The following NCOA3 variants were observed in gnomAD, a reference collection of about 807,000 sequenced individuals.
The protein encoded by NCOA3 is nuclear receptor coactivator 3, also known as CBP-interacting protein.
NCOA3 carries 51 observed loss-of-function variants against 158.8 expected under a neutral mutation model. That is an observed-to-expected ratio of 0.32 (90% CI 0.26 to 0.41). The LOEUF (loss-of-function observed/expected upper bound fraction) is 0.41, where lower values mean the gene tolerates loss of function less well. Ranked by LOEUF, NCOA3 falls within the 10% of genes least tolerant of loss-of-function variation. The pLI is 1.00. For synonymous variants in NCOA3, 537 were observed against 592.4 expected (o/e 0.91, Z 1.36); for missense variants, 1,510 against 1,746.6 (o/e 0.86, Z 2.41).
intron 1 of NCOA3, among the ~76,000 whole-genome samples, chr20:47,540,693 G>C (rs1441983301): frequency 2.0e-5 from 3 of 149,988 alleles, no homozygotes; most frequent in Non-Finnish European, 2.9e-5. Flanking sequence ...TTTATAGTCT[G>C]TTTGGGGAGA....
intron 17 of NCOA3, among the ~76,000 whole-genome samples, chr20:47,646,290 A>G (rs763476295): frequency 6.6e-6 from 1 of 152,208 alleles, no homozygotes; most frequent in Admixed American, 6.5e-5. Flanking sequence ...TCAGTCAGGT[A>G]CAGCTACCGT....
intron 1 of NCOA3, among the ~76,000 whole-genome samples, chr20:47,561,163 C>G (rs1323698444): frequency 1.3e-5 from 2 of 151,298 alleles, no homozygotes; most frequent in Non-Finnish European, 2.9e-5. Flanking sequence ...TTTGTAGAGA[C>G]AGGGTTTCGC....
chr20:47,644,733 T>C (rs911729710), intron 17 of NCOA3, among the ~76,000 whole-genome samples: 1 of 151,918 alleles, frequency 6.6e-6, no homozygotes, highest in Admixed American at 6.6e-5. Flanking sequence ...AGTCTCTCCC[T>C]ATCGCCCAGG....
intron 1 of NCOA3, among the ~76,000 whole-genome samples, chr20:47,512,433 TG>T (rs2084160375): frequency 6.6e-6 from 1 of 151,772 alleles, no homozygotes; most frequent in African/African-American, 2.4e-5. Context: ...CCGGGCATGG[TG>T]GCACATGCCT....
At chr20:47,558,383 A>T (rs1414752425) in intron 1 of NCOA3, among the ~76,000 whole-genome samples, 2 of 151,492 alleles carry the variant, frequency 1.3e-5, no homozygotes, top group African/African-American at 4.8e-5. Flanking sequence ...CGCCGGCCTA[A>T]ATTTCCTCTT....
chr20:47,532,110 TTGTGTGTGTG>T (rs11474538), intron 1 of NCOA3, among the ~76,000 whole-genome samples: 8 of 147,402 alleles, frequency 5.4e-5, no homozygotes, highest in African/African-American at 1.8e-4. Context: ...AGGGGGGGAC[TTGTGTGTGTG>T]TGTGTGTGTG....
intron 13 of NCOA3, 95 bp downstream of exon 13, chr20:47,637,878 C>CT: frequency 7.3e-6 from 8 of 1,102,992 alleles, no homozygotes; most frequent in South Asian, 4.4e-5. Flanking sequence ...ATATAAATAG[C>CT]ATTTATAACT....
At chr20:47,610,339 C>G (rs2086023370) in intron 2 of NCOA3, among the ~76,000 whole-genome samples, 1 of 152,102 alleles carries the variant, frequency 6.6e-6, no homozygotes, top group African/African-American at 2.4e-5. Context: ...CTTACCTGAG[C>G]TTCCTAAATA....
intron 1 of NCOA3, among the ~76,000 whole-genome samples, chr20:47,572,137 A>G (rs1421544385): frequency 6.6e-6 from 1 of 152,168 alleles, no homozygotes; most frequent in Non-Finnish European, 1.5e-5. Context: ...AGAATTGAAG[A>G]GAGTTATGGT....
intron 7 of NCOA3, 80 bp downstream of exon 7, chr20:47,627,829 C>T (rs2086347509): frequency 6.4e-7 from 1 of 1,573,760 alleles, no homozygotes; most frequent in South Asian, 1.1e-5. Context: ...TGTTGTAACC[C>T]TTCTTACTGA....
At chr20:47,635,275 A>T in intron 10 of NCOA3, 47 bp from the exon 11 acceptor site, 1 of 1,504,474 alleles carries the variant, frequency 6.6e-7, no homozygotes, top group Non-Finnish European at 8.9e-7. Flanking sequence ...AAAAGCTTTC[A>T]TGCATGCTTA....
rs2086865094 is a variant in NCOA3 at position 47,655,935 on chromosome 20, G to A, written c.*2518G>A. The stretch of plus-strand genomic sequence containing the variant: ...TGCAAACTCAAGATTTCTTTTAATA[G>A]GTGCAGTCTTTGAGATAATTTGTTT... On this transcript the variant is annotated 3_prime_UTR_variant, in exon 23 of 23. Transcript: ENST00000371998. The A allele has an allele frequency of 6.6e-6, 1 of 151,982 alleles. No individual in the cohort carries two copies. Among genetic ancestry groups the A allele is most frequent in the Non-Finnish European group, 1.5e-5 (1 of 67,906 alleles). 9.4% of individuals were successfully genotyped at this position (151,982 alleles called of 1,614,324 possible).
chr20:47,610,080 CT>C (rs1446102905), intron 2 of NCOA3, among the ~76,000 whole-genome samples: 4 of 151,966 alleles, frequency 2.6e-5, no homozygotes, highest in Non-Finnish European at 4.4e-5. Flanking sequence ...ATGTTGAAAG[CT>C]TTTTTTATTT....
chr20:47,593,334 ATT>A (rs71183267), intron 2 of NCOA3, among the ~76,000 whole-genome samples: 4,934 of 62,546 alleles, frequency 0.079, 17 homozygotes, highest in Non-Finnish European at 0.09. Context: ...GAGTTGATGG[ATT>A]TTTTTTTTTT....
At chr20:47,525,937 G>T (rs956200925) in intron 1 of NCOA3, among the ~76,000 whole-genome samples, 1 of 150,568 alleles carries the variant, frequency 6.6e-6, no homozygotes, top group Non-Finnish European at 1.5e-5. Flanking sequence ...CCGGGCGGGG[G>T]GCTGACCCCC....
intron 1 of NCOA3, among the ~76,000 whole-genome samples, chr20:47,533,837 G>T (rs1349258778): frequency 6.6e-6 from 1 of 152,246 alleles, no homozygotes; most frequent in African/African-American, 2.4e-5. Context: ...GAGCTGGGAG[G>T]ATTGCTTGAA....
chr20:47,600,214 G>T (rs1049020535), intron 2 of NCOA3, among the ~76,000 whole-genome samples: 1 of 148,952 alleles, frequency 6.7e-6, no homozygotes, highest in Admixed American at 6.8e-5. Flanking sequence ...TTGCTGTGTT[G>T]CCCAGGCTGG....
At chr20:47,522,727 G>C (rs117020873) in intron 1 of NCOA3, among the ~76,000 whole-genome samples, 10,213 of 152,004 alleles carry the variant, frequency 0.067, 442 homozygotes, top group Non-Finnish European at 0.097. Context: ...GGGGATATGT[G>C]GGGGAGGCCA....
chr20:47,601,349 C>T (rs2085859079), intron 2 of NCOA3, among the ~76,000 whole-genome samples: 1 of 152,208 alleles, frequency 6.6e-6, no homozygotes, highest in Non-Finnish European at 1.5e-5. Context: ...ACATCGCGGA[C>T]CAAGCCTCAA....
Sources: allele counts gnomAD v4.1 joint callset (sites outside exome capture counted in the v4.1 genomes callset), GRCh38; gene constraint gnomAD v4.1.1; transcripts MANE v1.5; gene names NCBI Gene and HGNC (gene_info 2026-07-23, HGNC 2026-07-21).